TOP1: variants seen among roughly 807,000 people sequenced by gnomAD.
The protein encoded by TOP1 is DNA topoisomerase 1.
A neutral mutation model predicts 111.1 loss-of-function variants in TOP1; 10 were observed. That is an observed-to-expected ratio of 0.09 (90% confidence interval 0.06 to 0.15). The LOEUF is 0.15. Among genes scored for constraint, TOP1 ranks in the 10% least tolerant of loss-of-function variants. The pLI is 1.00. For missense variants in TOP1, 474 were observed against 926.7 expected, an observed-to-expected ratio of 0.51 and a Z score of 6.34; for synonymous variants, 271 against 302.9, an observed-to-expected ratio of 0.89 and a Z score of 1.10.
chr20:41,070,114 A>G (rs1403798902), intron 3 of TOP1, among the ~76,000 whole-genome samples: 1 of 152,258 alleles, frequency 6.6e-6, no homozygotes, highest in Non-Finnish European at 1.5e-5. Flanking sequence ...CTGAGCAAGA[A>G]GCCACTGGAA....
Position 41,115,351 on chromosome 20 carries a change from G to T in TOP1, c.1639-20G>T. 2 of 1,558,908 alleles carry T rather than the reference G, an allele frequency of 1.3e-6. No individual in the cohort carries two copies. The highest frequency in any genetic ancestry group is 1.1e-5 in the South Asian group (1 of 89,774). On this transcript the variant is annotated intron_variant, in intron 15 of 20. Transcript: ENST00000361337. The surrounding 1 kb of genome is among the most constrained non-coding windows in gnomAD (Gnocchi z 6.3). ...GATTTTTTTCAAGAGTAATAATTAGGATTCACTTATATCTTTTAGGTTTTT... is the reference window on the plus strand; with the variant it reads ...GATTTTTTTCAAGAGTAATAATTAGTATTCACTTATATCTTTTAGGTTTTT...
chr20:41,062,781 A>G (rs777032256), intron 3 of TOP1, among the ~76,000 whole-genome samples: 1 of 152,202 alleles, frequency 6.6e-6, no homozygotes, highest in African/African-American at 2.4e-5. Flanking sequence ...AGATTTTACT[A>G]TCTTTCTCAA....
chr20:41,093,480 C>CCA (rs1468204335), intron 9 of TOP1, among the ~76,000 whole-genome samples: 1 of 152,000 alleles, frequency 6.6e-6, no homozygotes, highest in Non-Finnish European at 1.5e-5. Flanking sequence ...TCCTGACAGT[C>CCA]CCCCTTCTCC....
chr20:41,066,833 C>T lies in TOP1; in HGVS notation c.155+5343C>T, dbSNP rs1267684774. Among the ~76,000 whole-genome samples, 5 of 152,214 alleles carry T rather than the reference C, an allele frequency of 3.3e-5. No homozygotes were observed. The South Asian group carries it at 6.2e-4, about 19-fold the overall frequency. On this transcript the variant is annotated intron_variant, in intron 3 of 20. Coordinates refer to ENST00000361337, the MANE Select transcript of TOP1 (RefSeq NM_003286.4). ...CCTCCCAAAGTCTTGGGATTACAGG[C>T]GTGAGCCACCGCGCCTGGCCACTTC...
intron 3 of TOP1, among the ~76,000 whole-genome samples, chr20:41,068,449 A>T (rs2033632693): frequency 6.6e-6 from 1 of 151,968 alleles, no homozygotes; most frequent in Admixed American, 6.6e-5. Context: ...ATTGACTGCT[A>T]AGCTTGGGCG....
chr20:41,106,724 G>C lies in TOP1; in HGVS notation c.1308+5371G>C, dbSNP rs1206702706. Among the ~76,000 whole-genome samples the C allele has an allele frequency of 1.3e-5, 2 of 151,992 alleles. No individual in the cohort carries two copies. Among genetic ancestry groups the C allele is most frequent in the African/African-American group, 2.4e-5 (1 of 41,372 alleles). On this transcript the variant is annotated intron_variant, in intron 13 of 20. Coordinates refer to ENST00000361337, the MANE Select transcript of TOP1 (RefSeq NM_003286.4). This position sits in a 1 kb window ranked among gnomAD's most constrained non-coding sequence, Gnocchi z 4.3. ...TGAAGTGGTAATGCTTATAATTTTGGGGTGTTGGTCTTGTATCTGGCAGCA... is the reference window on the plus strand; with the variant it reads ...TGAAGTGGTAATGCTTATAATTTTGCGGTGTTGGTCTTGTATCTGGCAGCA...
intron 2 of TOP1, among the ~76,000 whole-genome samples, chr20:41,041,241 A>G (rs2033260155): frequency 6.6e-6 from 1 of 152,040 alleles, no homozygotes; most frequent in South Asian, 2.1e-4. Flanking sequence ...TTAGCCCAGG[A>G]GTTCTAAAGC....
intron 17 of TOP1, among the ~76,000 whole-genome samples, chr20:41,117,637 G>A (rs2034354943): frequency 2.0e-5 from 3 of 151,744 alleles, no homozygotes; most frequent in Admixed American, 6.6e-5. Flanking sequence ...CGCCCGCCTC[G>A]GCCTCCCAAA....
At chr20:41,059,668 C>T (rs964482060) in intron 2 of TOP1, among the ~76,000 whole-genome samples, 2 of 151,986 alleles carry the variant, frequency 1.3e-5, no homozygotes, top group Non-Finnish European at 2.9e-5. Context: ...ACAAAACATA[C>T]AGACCCTAAA....
chr20:41,122,719 C>T lies in TOP1; in HGVS notation c.2196-476C>T, dbSNP rs1316978206. Among the ~76,000 whole-genome samples the T allele has an allele frequency of 2.0e-5, 3 of 152,212 alleles. No individual in the cohort carries two copies. Among genetic ancestry groups the T allele is most frequent in the Non-Finnish European group, 4.4e-5 (3 of 68,034 alleles). ...TTAGTTTGAGCTGTTAAGTTCTGAG[C>T]ATAGGTGGAGATATCCTCCCCTATG... On this transcript the variant is annotated intron_variant, in intron 20 of 20. Transcript: ENST00000361337. This position sits in a 1 kb window ranked among gnomAD's most constrained non-coding sequence, Gnocchi z 5.4.
chr20:41,061,216 G>T lies in TOP1; in HGVS notation c.59-178G>T, dbSNP rs960739807. 6.6e-6 allele frequency among the ~76,000 whole-genome samples: 1 copy of T among 152,092 alleles called. No individual in the cohort carries two copies. Among genetic ancestry groups the T allele is most frequent in the Non-Finnish European group, 1.5e-5 (1 of 68,012 alleles). ...TAACTTGTCTTGATTGTAGAAGCAG[G>T]CTAATGGGAGCTTTGTCTGGGCTTC... On this transcript the variant is annotated intron_variant, in intron 2 of 20. Transcript: ENST00000361337. This position sits in a 1 kb window ranked among gnomAD's most constrained non-coding sequence, Gnocchi z 4.6.
chr20:41,052,974 A>G (rs1183128131), intron 2 of TOP1, among the ~76,000 whole-genome samples: 1 of 152,198 alleles, frequency 6.6e-6, no homozygotes, highest in Non-Finnish European at 1.5e-5. Flanking sequence ...TGGACAGTAG[A>G]GTGAGACTCT....
chr20:41,035,733 C>T (rs2033177156), intron 2 of TOP1, among the ~76,000 whole-genome samples: 4 of 152,166 alleles, frequency 2.6e-5, no homozygotes, highest in Non-Finnish European at 4.4e-5. Flanking sequence ...GAAGGTTAGT[C>T]CTCCACCAGA....
Position 41,080,324 on chromosome 20 carries a change from T to A in TOP1, c.431+144T>A. The A allele has an allele frequency of 1.8e-6, 1 of 556,498 alleles. No individual in the cohort carries two copies. Among genetic ancestry groups the A allele is most frequent in the South Asian group, 2.5e-5 (1 of 39,836 alleles). The allele number at this position is 556,498 out of a possible 1,614,324, so 34.5% of individuals were successfully genotyped here. A position where few individuals can be genotyped will look rare whatever the true frequency, so the allele number is the denominator to read the frequency against. On this transcript the variant is annotated intron_variant, in intron 6 of 20. Coordinates refer to ENST00000361337, the MANE Select transcript of TOP1 (RefSeq NM_003286.4). This position sits in a 1 kb window ranked among gnomAD's most constrained non-coding sequence, Gnocchi z 5.0. ...GGAATTTGTGATTAATGGACTGATT[T>A]CTCTGAACTATGAGAAGTAGAGTTT...
Position 41,090,506 on chromosome 20 carries a change from GTTTA to G in TOP1, c.615-1955_615-1952del, listed in dbSNP as rs376179113. Among the ~76,000 whole-genome samples, 54 of 152,058 alleles carry G rather than the reference GTTTA, an allele frequency of 3.6e-4. 1 individual carries two copies. The East Asian group carries it at 4.8e-3, about 14-fold the overall frequency. On this transcript the variant is annotated intron_variant, in intron 8 of 20. Transcript: ENST00000361337. Reference sequence around the variant, plus strand: ...AAGTTTTTAAGTTCAGTGAAGTTCAGTTTATTTATTTATTGAGACAGAGTGTCTC... The same window carrying G: ...AAGTTTTTAAGTTCAGTGAAGTTCAGTTTATTTATTGAGACAGAGTGTCTC...
In TOP1 at chr20:41,058,845, A is replaced by G. The variant is rs910088212; in HGVS notation, c.59-2549A>G. ...CGCTCGAAAACGCCAAGACAATTTA[A>G]TGGGGAAAGGGCCATCTTTTAAAAA... On this transcript the variant is annotated intron_variant, in intron 2 of 20. Transcript: ENST00000361337. This position sits in a 1 kb window ranked among gnomAD's most constrained non-coding sequence, Gnocchi z 4.2. Among the ~76,000 whole-genome samples, 1 of 152,186 alleles carries G rather than the reference A, an allele frequency of 6.6e-6. No individual in the cohort carries two copies. The highest frequency in any genetic ancestry group is 1.5e-5 in the Non-Finnish European group (1 of 68,040).
chr20:41,111,063 T>G (rs1444998155), intron 13 of TOP1, among the ~76,000 whole-genome samples: 1 of 152,208 alleles, frequency 6.6e-6, no homozygotes, highest in Admixed American at 6.5e-5. Flanking sequence ...TTTACCTGAC[T>G]CCTACCTTAC....
chr20:41,047,412 A>G (rs746716087), intron 2 of TOP1, among the ~76,000 whole-genome samples: 5 of 152,238 alleles, frequency 3.3e-5, no homozygotes, highest in Non-Finnish European at 5.9e-5. Flanking sequence ...CCTAGGAGCA[A>G]CAGGCTATAC....
chr20:41,093,290 T>C (rs1222846803), intron 9 of TOP1, among the ~76,000 whole-genome samples: 1 of 152,212 alleles, frequency 6.6e-6, no homozygotes. Flanking sequence ...ATTTTCTTCA[T>C]TCCATGAGTT....
Sources: allele counts gnomAD v4.1 joint callset (sites outside exome capture counted in the v4.1 genomes callset), GRCh38; gene constraint gnomAD v4.1.1; non-coding constraint Gnocchi (gnomAD v3.1); transcripts MANE v1.5; gene names NCBI Gene and HGNC (gene_info 2026-07-23, HGNC 2026-07-21).